Variants in SHLD1 observed in about 807,000 individuals in gnomAD.
SHLD1 encodes RINN1-REV7-interacting novel NHEJ regulator 3.
In SHLD1, 3 loss-of-function variants were observed where a neutral mutation model predicts 5.5. The observed-to-expected ratio is 0.54, with a 90% confidence interval of 0.25 to 1.40. The LOEUF (loss-of-function observed/expected upper bound fraction) is 1.40. Among genes scored for constraint, SHLD1 ranks in the 40% most tolerant of loss-of-function variants. The probability of loss-of-function intolerance (pLI) is 0.15; values close to 1 mark genes in which losing one functional copy is unlikely to be tolerated. For missense variants in SHLD1, 210 were observed against 244.4 expected (o/e 0.86, Z 0.94); for synonymous variants, 92 against 94.3 (o/e 0.98, Z 0.14).
rs2088076859 is a variant in SHLD1 at position 5,855,913 on chromosome 20, A to G, written c.179-7111A>G. On this transcript the variant is annotated intron_variant, in intron 2 of 2. Coordinates refer to ENST00000303142, the MANE Select transcript of SHLD1 (RefSeq NM_152504.4). The surrounding 1 kb of genome is among the most constrained non-coding windows in gnomAD (Gnocchi z 4.4). The stretch of plus-strand genomic sequence containing the variant: ...AGCCAGTGAAATATGAACAGAAGTA[A>G]TAGAGCTGTCCCAGTCACTGCTGAT... 6.6e-6 allele frequency among the ~76,000 whole-genome samples: 1 copy of G among 152,182 alleles called. No individual in the cohort carries two copies. Among genetic ancestry groups the G allele is most frequent in the Non-Finnish European group, 1.5e-5 (1 of 68,030 alleles).
intron 1 of SHLD1, among the ~76,000 whole-genome samples, chr20:5,753,469 G>A (rs1031932115): frequency 3.9e-5 from 6 of 152,136 alleles, no homozygotes; most frequent in African/African-American, 1.4e-4. Flanking sequence ...CCTTGGTAAA[G>A]TTTTCCTTTT....
At chr20:5,854,143 T>C (rs1036158489) in intron 2 of SHLD1, among the ~76,000 whole-genome samples, 6 of 152,030 alleles carry the variant, frequency 3.9e-5, no homozygotes, top group Non-Finnish European at 5.9e-5. Flanking sequence ...GAAGCTGAGA[T>C]TACAGGCATG....
At chr20:5,857,713 G>A (rs1238607463) in intron 2 of SHLD1, among the ~76,000 whole-genome samples, 6 of 151,938 alleles carry the variant, frequency 3.9e-5, no homozygotes, top group African/African-American at 9.7e-5. Flanking sequence ...CAGGACTGAG[G>A]TGGGAGGATC....
intron 2 of SHLD1, among the ~76,000 whole-genome samples, chr20:5,859,331 G>C (rs1785349196): frequency 6.6e-6 from 1 of 152,126 alleles, no homozygotes; most frequent in Non-Finnish European, 1.5e-5. Flanking sequence ...ACCATTCTTT[G>C]TTTGTCCTGT....
chr20:5,852,421 C>T (rs2088023222), intron 2 of SHLD1, among the ~76,000 whole-genome samples: 1 of 150,272 alleles, frequency 6.7e-6, no homozygotes, highest in Admixed American at 6.6e-5. Context: ...CCCTCCCTTC[C>T]TTCCTTCCTT....
chr20:5,787,831 G>A (rs1312454892), intron 2 of SHLD1, among the ~76,000 whole-genome samples: 2 of 152,226 alleles, frequency 1.3e-5, no homozygotes, highest in Non-Finnish European at 2.9e-5. Context: ...TGTGATCTGT[G>A]TAGGATAATA....
chr20:5,835,749 G>C (rs1290575048), intron 2 of SHLD1, among the ~76,000 whole-genome samples: 1 of 152,224 alleles, frequency 6.6e-6, no homozygotes, highest in Non-Finnish European at 1.5e-5. Flanking sequence ...CAAGTTATTT[G>C]ACCTTCTGGT....
At chr20:5,786,200 A>AC (rs900255128) in intron 2 of SHLD1, among the ~76,000 whole-genome samples, 2 of 151,912 alleles carry the variant, frequency 1.3e-5, no homozygotes, top group African/African-American at 4.8e-5. Flanking sequence ...AGAAACCAGA[A>AC]CCCCCTTTCT....
At chr20:5,792,743 G>A (rs528583969) in intron 2 of SHLD1, among the ~76,000 whole-genome samples, 10 of 151,218 alleles carry the variant, frequency 6.6e-5, no homozygotes, top group East Asian at 1.9e-4. Context: ...GCATGATCCC[G>A]GCTCACTGTA....
chr20:5,755,105 G>A (rs911408109), intron 1 of SHLD1, among the ~76,000 whole-genome samples: 1 of 151,996 alleles, frequency 6.6e-6, no homozygotes, highest in Admixed American at 6.6e-5. Context: ...AAGGGGGTTT[G>A]TGGGAGCCAA....
intron 2 of SHLD1, among the ~76,000 whole-genome samples, chr20:5,799,228 G>A (rs55868929): frequency 2.8e-3 from 420 of 151,342 alleles, no homozygotes; most frequent in African/African-American, 9.8e-3. Context: ...TTAAAGGCTA[G>A]CCTCACTTCT....
chr20:5,809,312 A>G (rs1414337047), intron 2 of SHLD1, among the ~76,000 whole-genome samples: 1 of 152,160 alleles, frequency 6.6e-6, no homozygotes, highest in Non-Finnish European at 1.5e-5. Flanking sequence ...CAGCATTCAT[A>G]GATATGGCTC....
chr20:5,844,712 T>A (rs551994797), intron 2 of SHLD1, among the ~76,000 whole-genome samples: 1 of 150,794 alleles, frequency 6.6e-6, no homozygotes, highest in South Asian at 2.1e-4. Flanking sequence ...CAGTTACAAA[T>A]AAATGCTTGT....
At chr20:5,770,546 T>G (rs984361281) in intron 1 of SHLD1, among the ~76,000 whole-genome samples, 2 of 152,232 alleles carry the variant, frequency 1.3e-5, no homozygotes, top group African/African-American at 2.4e-5. Context: ...TCTTGTTGCA[T>G]GGATGATTTT....
intron 2 of SHLD1, among the ~76,000 whole-genome samples, chr20:5,805,174 T>G (rs1418067929): frequency 6.6e-5 from 10 of 152,218 alleles, no homozygotes; most frequent in Admixed American, 6.5e-4. Context: ...CTGTTGTTTT[T>G]GAGATGGAGT....
At chr20:5,857,111 GA>G (rs2088097844) in intron 2 of SHLD1, among the ~76,000 whole-genome samples, 1 of 152,062 alleles carries the variant, frequency 6.6e-6, no homozygotes, top group African/African-American at 2.4e-5. Flanking sequence ...GAGTAGCTGG[GA>G]CTGCAGGTGC....
chr20:5,856,506 G>A (rs926162904), intron 2 of SHLD1, among the ~76,000 whole-genome samples: 11 of 149,350 alleles, frequency 7.4e-5, no homozygotes, highest in African/African-American at 1.5e-4. Context: ...AAAGTGAGGC[G>A]TGGAGCAGGA....
At chr20:5,811,940 T>C (rs1385549007) in intron 2 of SHLD1, among the ~76,000 whole-genome samples, 1 of 152,116 alleles carries the variant, frequency 6.6e-6, no homozygotes, top group African/African-American at 2.4e-5. Context: ...CGAGTTACTT[T>C]CTCTTAAGCC....
intron 2 of SHLD1, among the ~76,000 whole-genome samples, chr20:5,846,171 C>T (rs1171172307): frequency 1.3e-5 from 2 of 152,162 alleles, no homozygotes; most frequent in Non-Finnish European, 2.9e-5. Context: ...TTCTGTTTCT[C>T]TTTAAATCTA....
Sources: gnomAD v4.1 joint callset for allele counts (sites outside exome capture counted in the v4.1 genomes callset) on GRCh38, gnomAD v4.1.1 for gene constraint, Gnocchi (gnomAD v3.1) non-coding constraint, MANE v1.5 for transcripts, NCBI Gene and HGNC (gene_info 2026-07-23, HGNC 2026-07-21) for gene names.